Variants in CACNA1C observed in about 807,000 individuals in gnomAD.
The protein encoded by CACNA1C is voltage-dependent L-type calcium channel subunit alpha-1C.
Under a neutral mutation model 229.0 loss-of-function variants are expected in CACNA1C, and 30 were observed. The observed-to-expected ratio is 0.13, with a 90% CI of 0.10 to 0.18. The LOEUF is 0.18. Among genes scored for constraint, CACNA1C ranks in the 10% least tolerant of loss-of-function variants. The pLI is 1.00. For synonymous variants in CACNA1C, 1,114 were observed against 1,132.5 expected, an observed-to-expected ratio of 0.98 and a Z score of 0.33; for missense variants, 1,658 against 2,845.0, an observed-to-expected ratio of 0.58 and a Z score of 9.49.
At chr12:2,230,682 T>C (rs1436138974) in intron 3 of CACNA1C, among the ~76,000 whole-genome samples, 2 of 152,220 alleles carry the variant, frequency 1.3e-5, no homozygotes, top group Non-Finnish European at 2.9e-5. Context: ...ATCTTCCATC[T>C]TGGGTTGTGC....
At chr12:2,156,831 G>A (rs2095577371) in intron 3 of CACNA1C, among the ~76,000 whole-genome samples, 1 of 152,238 alleles carries the variant, frequency 6.6e-6, no homozygotes, top group African/African-American at 2.4e-5. Context: ...GCCTTTCTTG[G>A]CCATGGTGGA....
chr12:2,529,535 G>C (rs1331487473), intron 9 of CACNA1C, among the ~76,000 whole-genome samples: 3 of 152,308 alleles, frequency 2.0e-5, no homozygotes, highest in South Asian at 4.1e-4. Flanking sequence ...GTAGGGTCTT[G>C]GCTTGGAAGT....
intron 3 of CACNA1C, among the ~76,000 whole-genome samples, chr12:2,174,818 T>G (rs1366735615): frequency 1.3e-5 from 2 of 152,248 alleles, no homozygotes; most frequent in Non-Finnish European, 2.9e-5. Flanking sequence ...TACAATAAAG[T>G]AGGCTAGAGA....
chr12:2,071,128 C>A (rs2061100420), intron 1 of CACNA1C, among the ~76,000 whole-genome samples: 1 of 41,040 alleles, frequency 2.4e-5, no homozygotes, highest in Admixed American at 2.2e-4. Flanking sequence ...CTTCCCCCTT[C>A]CCGCTTCCCC....
rs567997113 is a variant in CACNA1C, at chr12:2,607,798, A to G, written c.3356+668A>G. On this transcript the variant is annotated intron_variant, in intron 26 of 46. Transcript: ENST00000399655. ...CCAGTGAAATTAGAATCTGAAAGTC[A>G]GAAAATTCTAAATGTTTCTAAGTCA... The G allele has an allele frequency of 3.3e-5, 5 of 152,428 alleles. No homozygotes were observed. In the East Asian group the frequency reaches 7.7e-4, roughly 23 times the overall value. The allele number at this position is 152,428 out of a possible 1,614,324, so 9.4% of individuals were successfully genotyped here. A position where few individuals can be genotyped will look rare whatever the true frequency, so the allele number is the denominator to read the frequency against.
chr12:2,547,049 C>T (rs929400504), intron 9 of CACNA1C, among the ~76,000 whole-genome samples: 1 of 152,118 alleles, frequency 6.6e-6, no homozygotes, highest in Non-Finnish European at 1.5e-5. Flanking sequence ...ACCAGGGCTA[C>T]AGTTAGACTT....
At chr12:2,090,513 T>C (rs2154076386) in intron 1 of CACNA1C, among the ~76,000 whole-genome samples, 1 of 152,182 alleles carries the variant, frequency 6.6e-6, no homozygotes, top group East Asian at 1.9e-4. Context: ...AGACAGGGTT[T>C]CACCATGTTG....
At chr12:2,164,857 C>CA (rs2096126501) in intron 3 of CACNA1C, among the ~76,000 whole-genome samples, 1 of 152,166 alleles carries the variant, frequency 6.6e-6, no homozygotes, top group Admixed American at 6.5e-5. Flanking sequence ...GGCGCACACA[C>CA]AGTGTCAGAG....
At chr12:2,443,431 G>A (rs1414213303) in intron 3 of CACNA1C, among the ~76,000 whole-genome samples, 1 of 152,174 alleles carries the variant, frequency 6.6e-6, no homozygotes, top group African/African-American at 2.4e-5. Context: ...TTGAAAGTCT[G>A]GGTGTTTCCA....
chr12:2,643,459 C>T (rs1249928154), intron 30 of CACNA1C, among the ~76,000 whole-genome samples: 4 of 152,226 alleles, frequency 2.6e-5, no homozygotes, highest in African/African-American at 7.2e-5. Flanking sequence ...GCTCTTCTGT[C>T]TGAAAGCCAT....
At chr12:2,670,809 A>G (rs908850953) in intron 38 of CACNA1C, among the ~76,000 whole-genome samples, 20 of 151,842 alleles carry the variant, frequency 1.3e-4, no homozygotes, top group African/African-American at 4.8e-4. Context: ...CAGTGAGCCG[A>G]GATCACCCCA....
chr12:2,393,621 T>G (rs1003665438), intron 3 of CACNA1C, among the ~76,000 whole-genome samples: 3 of 152,248 alleles, frequency 2.0e-5, no homozygotes, highest in Non-Finnish European at 4.4e-5. Flanking sequence ...CTGTGCAGGT[T>G]GTTGCAGAGA....
intron 3 of CACNA1C, among the ~76,000 whole-genome samples, chr12:2,374,560 G>C (rs1489990614): frequency 6.6e-6 from 1 of 152,220 alleles, no homozygotes; most frequent in East Asian, 1.9e-4. Flanking sequence ...AGCCAGGGTG[G>C]TTTTCCTACT....
At chr12:2,226,636 A>G (rs1038948532) in intron 3 of CACNA1C, among the ~76,000 whole-genome samples, 4 of 152,180 alleles carry the variant, frequency 2.6e-5, no homozygotes, top group African/African-American at 9.6e-5. Context: ...GCTGCTCTTA[A>G]TAATTACATA....
chr12:2,326,280 A>T (rs1262188701), intron 3 of CACNA1C, among the ~76,000 whole-genome samples: 1 of 152,192 alleles, frequency 6.6e-6, no homozygotes, highest in African/African-American at 2.4e-5. Context: ...CGCTGATCTC[A>T]TGTTCATTAA....
intron 1 of CACNA1C, among the ~76,000 whole-genome samples, chr12:2,017,453 T>TA (rs1156391646): frequency 6.6e-6 from 1 of 152,192 alleles, no homozygotes; most frequent in Non-Finnish European, 1.5e-5. Flanking sequence ...TGATCACCCT[T>TA]AAAAAATAAA....
chr12:2,196,009 A>T (rs540814621), intron 3 of CACNA1C, among the ~76,000 whole-genome samples: 10 of 152,362 alleles, frequency 6.6e-5, no homozygotes, highest in Middle Eastern at 6.8e-3. Flanking sequence ...CAAGTGTACC[A>T]TCCCTGCTAA....
In CACNA1C at chr12:2,183,544, C is replaced by A. The variant is rs532230345; in HGVS notation, c.477+63114C>A. ...AAGACGTGCTAACAATATATACCAA[C>A]AAAAGTTGTCTGCGTCTTTTTCTGG... On this transcript the variant is annotated intron_variant, in intron 3 of 46. Transcript: ENST00000399655. Among the ~76,000 whole-genome samples the A allele has an allele frequency of 5.9e-5, 9 of 152,228 alleles. No homozygotes were observed. The East Asian group carries it at 1.5e-3, about 26-fold the overall frequency.
At chr12:2,177,773 A>T (rs576909021) in intron 3 of CACNA1C, among the ~76,000 whole-genome samples, 18 of 152,024 alleles carry the variant, frequency 1.2e-4, no homozygotes, top group African/African-American at 3.9e-4. Context: ...AGTAGCTGGG[A>T]TTATAGGCTT....
Sources: allele counts gnomAD v4.1 joint callset (sites outside exome capture counted in the v4.1 genomes callset), GRCh38; gene constraint gnomAD v4.1.1; transcripts MANE v1.5; gene names NCBI Gene and HGNC (gene_info 2026-07-23, HGNC 2026-07-21).